TSR3: variants seen among roughly 807,000 people sequenced by gnomAD.
TSR3 encodes 18S rRNA aminocarboxypropyltransferase.
In TSR3, 31 loss-of-function variants were observed where a neutral mutation model predicts 28.1. That is an observed-to-expected ratio of 1.10 (90% confidence interval 0.83 to 1.49). TSR3 has a LOEUF of 1.49. TSR3 is among the 40% of genes most tolerant of loss of function. The pLI is 0.00. For synonymous variants in TSR3, 219 were observed against 197.2 expected, an observed-to-expected ratio of 1.11 and a Z score of -0.93; for missense variants, 511 against 444.0, an observed-to-expected ratio of 1.15 and a Z score of -1.36.
At chr16:1,351,327 G>T in intron 2 of TSR3, 52 bp downstream of exon 2, 1 of 1,531,180 alleles carries the variant, frequency 6.5e-7, no homozygotes, top group Non-Finnish European at 8.7e-7. Context: ...ATCCCTGAAG[G>T]GAACCACGCG....
chr16:1,350,177 A>G lies in TSR3; in HGVS notation c.584T>C (p.Leu195Ser). Residue 195 changes from leucine to serine, a missense_variant, in exon 4 of 6, where the codon TTG becomes TCG. By Grantham distance (145) the Leu-to-Ser change is moderately radical. Coordinates refer to ENST00000007390, the MANE Select transcript of TSR3 (RefSeq NM_001001410.3). ...GTCCAGGAGCTGGCGGTTCAGGTCC[A>G]AGAAGCCCTTGCCCCATTTAAACTT... ...LRKFKWGKGF[L>S]DLNRQLLDKY... is the part of the protein sequence containing the mutation. 6.2e-7 allele frequency: 1 copy of G among 1,610,094 alleles called. No individual in the cohort carries two copies. Among genetic ancestry groups the G allele is most frequent in the Non-Finnish European group, 8.5e-7 (1 of 1,179,798 alleles).
At position 1,349,891 on chromosome 16, in the gene TSR3, G is replaced by A. The variant is rs745623676; in HGVS notation, c.765C>T (p.Thr255=). 1.2e-6 allele frequency: 2 copies of A among 1,613,718 alleles called. No individual in the cohort carries two copies. Among genetic ancestry groups the A allele is most frequent in the Admixed American group, 1.7e-5 (1 of 60,016 alleles). The change falls in exon 5 of 6, where the codon ACC becomes ACT. Residue 255 remains threonine (T), a splice_region_variant and synonymous_variant. Coordinates refer to ENST00000007390, the MANE Select transcript of TSR3 (RefSeq NM_001001410.3). ...TGAAATTAAGCCCAAGGACCTACCGGGTGCTGGCCACAGGCCTGTTGGGGT... is the reference window on the plus strand; with the variant it reads ...TGAAATTAAGCCCAAGGACCTACCGAGTGCTGGCCACAGGCCTGTTGGGGT... The part of the protein sequence containing the change: ...FGNPNRPVAS[T]RLPSDTDDSD...
rs1203627818 is a variant in TSR3 at position 1,351,611 on chromosome 16, G to C, written c.113-13C>G. On this transcript the variant is annotated splice_polypyrimidine_tract_variant and intron_variant, in intron 1 of 5. Coordinates refer to ENST00000007390, the MANE Select transcript of TSR3 (RefSeq NM_001001410.3). ...GGCTCCACGGAAGCTGCACGAGAGA[G>C]AGAAGGGCACTCGGCCTCAGCGTGG... 1 of 1,466,298 alleles carries C rather than the reference G, an allele frequency of 6.8e-7. No individual in the cohort carries two copies. The highest frequency in any genetic ancestry group is 1.5e-5 in the African/African-American group (1 of 67,366). 90.8% of individuals were successfully genotyped at this position (1,466,298 alleles called of 1,614,324 possible).
rs28541713 is a variant in TSR3, at chr16:1,351,844, C to G, written c.-40G>C. ...GTGCCGGGGACTCCCCACCCCACGGCCGCGCCCCTCGGCCTCCCAATGGGC... is the reference window on the plus strand; with the variant it reads ...GTGCCGGGGACTCCCCACCCCACGGGCGCGCCCCTCGGCCTCCCAATGGGC... On this transcript the variant is annotated 5_prime_UTR_variant, in exon 1 of 6. Coordinates refer to ENST00000007390, the MANE Select transcript of TSR3 (RefSeq NM_001001410.3). 48,095 of 1,279,058 alleles carry G rather than the reference C, an allele frequency of 0.038. 2,062 individuals carry two copies. Among genetic ancestry groups the G allele is most frequent in the African/African-American group, 0.21 (13,310 of 64,102 alleles). The allele number at this position is 1,279,058 out of a possible 1,614,324, so 79.2% of individuals were successfully genotyped here.
chr16:1,351,878 T>C lies in TSR3; in HGVS notation c.-74A>G. 1 of 1,261,346 alleles carries C rather than the reference T, an allele frequency of 7.9e-7. No individual in the cohort carries two copies. Among genetic ancestry groups the C allele is most frequent in the Middle Eastern group, 3.0e-4 (1 of 3,290 alleles). 78.1% of individuals were successfully genotyped at this position (1,261,346 alleles called of 1,614,324 possible). A position where few individuals can be genotyped will look rare whatever the true frequency, so the allele number is the denominator to read the frequency against. On this transcript the variant is annotated 5_prime_UTR_variant, in exon 1 of 6. Coordinates refer to ENST00000007390, the MANE Select transcript of TSR3 (RefSeq NM_001001410.3). ...TCGGCCTCCCAATGGGCTGTGCGGCTGCCAGCGCTTGCGCCGGACGCCACT... is the reference window on the plus strand; with the variant it reads ...TCGGCCTCCCAATGGGCTGTGCGGCCGCCAGCGCTTGCGCCGGACGCCACT...
intron 5 of TSR3, 64 bp from the exon 6 acceptor site, chr16:1,349,672 A>G: frequency 6.6e-7 from 1 of 1,526,278 alleles, no homozygotes; most frequent in South Asian, 1.3e-5. Context: ...AGTCAACGTC[A>G]TCCACAAAAA....
At position 1,349,557 on chromosome 16, in the gene TSR3, G is replaced by A. The variant is rs553018436; in HGVS notation, c.819C>T (p.Gly273=). The change falls in exon 6 of 6, where the codon GGC becomes GGT. Residue 273 remains glycine, a synonymous_variant. Transcript: ENST00000007390. The part of the protein sequence containing the change: ...DSDASEDPGP[G]AERGGASSSC... Reference sequence around the variant, plus strand: ...TGCTGCTGGCTCCTCCGCGCTCGGCGCCAGGCCCTGGGTCCTCAGACGCAT... The same window carrying A: ...TGCTGCTGGCTCCTCCGCGCTCGGCACCAGGCCCTGGGTCCTCAGACGCAT... 9.9e-6 allele frequency: 16 copies of A among 1,612,990 alleles called. No homozygotes were observed. Among genetic ancestry groups the A allele is most frequent in the Middle Eastern group, 1.7e-4 (1 of 6,060 alleles).
In TSR3 at chr16:1,350,935, G is replaced by C; in HGVS notation, c.398C>G (p.Pro133Arg). The C allele has an allele frequency of 1.9e-6, 3 of 1,612,856 alleles. No homozygotes were observed. Among genetic ancestry groups the C allele is most frequent in the Non-Finnish European group, 2.5e-6 (3 of 1,179,976 alleles). Residue 133 changes from proline (P) to arginine (R), a missense_variant, in exon 3 of 6, where the codon CCG (proline) becomes CGG (arginine). Coordinates refer to ENST00000007390, the MANE Select transcript of TSR3 (RefSeq NM_001001410.3). ...GTGGCTCCCTCGCATCTTCCCAAAC[G>C]GTGTCTCGTCCAGCCTGGCCCAGGA... ...DCSWARLDET[P>R]FGKMRGSHLR...
chr16:1,351,606 A>G lies in TSR3; in HGVS notation c.113-8T>C. On this transcript the variant is annotated splice_region_variant and splice_polypyrimidine_tract_variant and intron_variant, in intron 1 of 5. Coordinates refer to ENST00000007390, the MANE Select transcript of TSR3 (RefSeq NM_001001410.3). ...CCCCTGGCTCCACGGAAGCTGCACGAGAGAGAGAAGGGCACTCGGCCTCAG... is the reference window on the plus strand; with the variant it reads ...CCCCTGGCTCCACGGAAGCTGCACGGGAGAGAGAAGGGCACTCGGCCTCAG... 2 of 1,467,822 alleles carry G rather than the reference A, an allele frequency of 1.4e-6. No homozygotes were observed. The highest frequency in any genetic ancestry group is 1.8e-6 in the Non-Finnish European group (2 of 1,119,096). The allele number at this position is 1,467,822 out of a possible 1,614,324, so 90.9% of individuals were successfully genotyped here.
intron 5 of TSR3, 37 bp downstream of exon 5, chr16:1,349,852 G>A (rs1247807099): frequency 2.5e-6 from 4 of 1,611,144 alleles, no homozygotes; most frequent in Middle Eastern, 1.7e-4. Context: ...GAGAGCCCTG[G>A]GTCTGAGTGA....
Position 1,351,270 on chromosome 16 carries a change from C to A in TSR3, c.332+109G>T, listed in dbSNP as rs1318880282. ...AGGCAAACTAGACAGACGTTCCCTG[C>A]CCACGTGGGTGTGGATGTGGGTGCG... is the stretch of plus-strand genomic sequence containing the variant. On this transcript the variant is annotated intron_variant, in intron 2 of 5. Transcript: ENST00000007390. 2.4e-6 allele frequency: 3 copies of A among 1,236,450 alleles called. No homozygotes were observed. The African/African-American group carries it at 4.5e-5, about 19-fold the overall frequency. 76.6% of individuals were successfully genotyped at this position (1,236,450 alleles called of 1,614,324 possible).
At position 1,351,124 on chromosome 16, in the gene TSR3, G is replaced by A. The variant is rs111354267; in HGVS notation, c.333-124C>T. On this transcript the variant is annotated intron_variant, in intron 2 of 5. Transcript: ENST00000007390. ...CCGCCATCCCCAAACACCCTCAAAC[G>A]GACTTCACGAGCAAGCTTTTGAGGC... 36 of 1,126,372 alleles carry A rather than the reference G, an allele frequency of 3.2e-5. 1 individual carries two copies. In the African/African-American group the frequency reaches 3.7e-4, roughly 12 times the overall value. 69.8% of individuals were successfully genotyped at this position (1,126,372 alleles called of 1,614,324 possible).
chr16:1,350,376 G>A (rs1320949525), intron 3 of TSR3, 142 bp from the exon 4 acceptor site: 8 of 919,952 alleles, frequency 8.7e-6, no homozygotes, highest in Admixed American at 2.9e-5. Flanking sequence ...CTGAGAACCC[G>A]TGCTGCCCCC....
In TSR3 at chr16:1,351,777, G is replaced by A. The variant is rs888194280; in HGVS notation, c.28C>T (p.Pro10Ser). The change falls in exon 1 of 6, where the codon CCG becomes TCG. Residue 10 changes from proline (P) to serine (S), a missense_variant. Transcript: ENST00000007390. ...CGAGGGCGGCCGCCTTCCGCCCCCG[G>A]CCCGCGCGCTGCCCTCCTGCGGCCC... is the stretch of plus-strand genomic sequence containing the variant. MGRRRAARG[P>S]GAEGGRPRHL... 3 of 1,344,796 alleles carry A rather than the reference G, an allele frequency of 2.2e-6. No homozygotes were observed. Among genetic ancestry groups the A allele is most frequent in the African/African-American group, 1.5e-5 (1 of 64,754 alleles). The allele number at this position is 1,344,796 out of a possible 1,614,324, so 83.3% of individuals were successfully genotyped here.
rs148141495 is a variant in TSR3 at position 1,350,065 on chromosome 16, C to T, written c.696G>A (p.Glu232=). Residue 232 remains glutamate, a synonymous_variant, in exon 4 of 6, where the codon GAG becomes GAA. Transcript: ENST00000007390. ...CACCCCGCCAAGGCTCACCGATCTC[C>T]TCCTCCTGGGGGCTCTCCTTGGCAT... The part of the protein sequence containing the change: ...LANAKESPQE[E]EIDPFDVDSG... 9.5e-5 allele frequency: 152 copies of T among 1,608,096 alleles called. No individual in the cohort carries two copies. The African/African-American group carries it at 1.8e-3, about 19-fold the overall frequency.
At position 1,351,479 on chromosome 16, in the gene TSR3, G is replaced by T. The variant is rs2034679559; in HGVS notation, c.232C>A (p.Leu78Met). The T allele has an allele frequency of 1.3e-6, 2 of 1,580,250 alleles. No homozygotes were observed. The highest frequency in any genetic ancestry group is 1.7e-5 in the Admixed American group (1 of 57,654). ...CDPRRCTGRKLARLGLVRCLR... is the reference protein window; with the variant it reads ...CDPRRCTGRKMARLGLVRCLR... Reference sequence around the variant, plus strand: ...CAGCGCACCAGCCCCAGGCGGGCCAGCTTGCGGCCCGTGCAGCGCCGGGGG... The same window carrying T: ...CAGCGCACCAGCCCCAGGCGGGCCATCTTGCGGCCCGTGCAGCGCCGGGGG... Residue 78 changes from leucine (L) to methionine (M), a missense_variant, in exon 2 of 6, where the codon CTG becomes ATG. By Grantham distance (15) the Leu-to-Met change is conservative (BLOSUM62 2). Coordinates refer to ENST00000007390, the MANE Select transcript of TSR3 (RefSeq NM_001001410.3).
intron 1 of TSR3, 36 bp from the exon 2 acceptor site, chr16:1,351,634 T>C (rs2034682336): frequency 6.9e-7 from 1 of 1,440,768 alleles, no homozygotes; most frequent in Non-Finnish European, 9.0e-7. Flanking sequence ...GGCCTCAGCG[T>C]GGGACCCCCG....
At chr16:1,349,760 G>T in intron 5 of TSR3, 129 bp downstream of exon 5, 2 of 1,395,492 alleles carry the variant, frequency 1.4e-6, no homozygotes, top group Non-Finnish European at 2.0e-6. Context: ...ATGCACTGCA[G>T]GTTTTCTAGT....
chr16:1,350,318 G>T, intron 3 of TSR3, 84 bp from the exon 4 acceptor site: 1 of 1,401,140 alleles, frequency 7.1e-7, no homozygotes, highest in Non-Finnish European at 9.5e-7. Flanking sequence ...GGATGGCGGC[G>T]CTCTCCCAAG....
Sources: gnomAD v4.1 joint callset for allele counts on GRCh38, gnomAD v4.1.1 for gene constraint, MANE v1.5 for transcripts, NCBI Gene and HGNC (gene_info 2026-07-23, HGNC 2026-07-21) for gene names.